Variants in SIPA1L3 observed in about 807,000 individuals in gnomAD.
SIPA1L3 encodes signal induced proliferation associated 1 like 3.
A neutral mutation model predicts 150.1 loss-of-function variants in SIPA1L3; 59 were observed. The ratio of observed to expected loss-of-function variants is 0.39; its 90% CI spans 0.32 to 0.49. The LOEUF (loss-of-function observed/expected upper bound fraction) is 0.49, where lower values mean the gene tolerates loss of function less well. SIPA1L3 is among the 20% of genes least tolerant of loss of function. The pLI is 0.86. For missense variants in SIPA1L3, 2,211 were observed against 2,489.5 expected, an observed-to-expected ratio of 0.89 and a Z score of 2.38; for synonymous variants, 1,070 against 1,077.6, an observed-to-expected ratio of 0.99 and a Z score of 0.14.
intron 1 of SIPA1L3, among the ~76,000 whole-genome samples, chr19:38,003,939 GA>G (rs1370791147): frequency 1.3e-5 from 2 of 148,738 alleles, no homozygotes; most frequent in African/African-American, 5.0e-5. Flanking sequence ...CCTTCTGACA[GA>G]AACTGGGTTA....
chr19:37,990,853 G>A (rs1394774978), intron 1 of SIPA1L3, among the ~76,000 whole-genome samples: 1 of 152,202 alleles, frequency 6.6e-6, no homozygotes, highest in African/African-American at 2.4e-5. Context: ...TGACTTAGTG[G>A]CATTGGTACT....
At chr19:37,914,020 G>A (rs56246446) in intron 1 of SIPA1L3, among the ~76,000 whole-genome samples, 35,939 of 98,768 alleles carry the variant, frequency 0.36, 5,674 homozygotes, top group South Asian at 0.48. Context: ...GTGAGAGGCC[G>A]TCTCAAAAAA....
At chr19:37,925,610 T>G (rs2145490118) in intron 1 of SIPA1L3, among the ~76,000 whole-genome samples, 1 of 148,890 alleles carries the variant, frequency 6.7e-6, no homozygotes, top group Admixed American at 6.7e-5. Context: ...TTTTTTTTTT[T>G]TTGAGACGGA....
chr19:38,136,187 A>AT (rs1204635811), intron 10 of SIPA1L3, among the ~76,000 whole-genome samples: 6 of 147,868 alleles, frequency 4.1e-5, no homozygotes, highest in African/African-American at 1.3e-4. Flanking sequence ...CTGTCTCAAA[A>AT]AAAAAAAAAA....
At chr19:37,976,268 G>A (rs577895314) in intron 1 of SIPA1L3, among the ~76,000 whole-genome samples, 2 of 152,222 alleles carry the variant, frequency 1.3e-5, no homozygotes, top group South Asian at 2.1e-4. Flanking sequence ...TCTTCGTCTT[G>A]TTGTACGTCT....
chr19:38,021,645 G>A (rs1968374798), intron 1 of SIPA1L3, among the ~76,000 whole-genome samples: 1 of 151,710 alleles, frequency 6.6e-6, no homozygotes, highest in African/African-American at 2.4e-5. Context: ...GGGCTCAAGT[G>A]ATCTTCCTGC....
rs1600070419 is a variant in SIPA1L3, at chr19:38,101,172, G to A, written c.1975G>A (p.Glu659Lys). The A allele has an allele frequency of 6.2e-6, 10 of 1,607,844 alleles. No individual in the cohort carries two copies. The highest frequency in any genetic ancestry group is 1.3e-5 in the African/African-American group (1 of 74,946). The change falls in exon 6 of 22, where the codon GAG becomes AAG. Residue 659 changes from glutamate (E) to lysine (K), a missense_variant. Coordinates refer to ENST00000222345, the MANE Select transcript of SIPA1L3 (RefSeq NM_015073.3). ...AFEEFLSLIG[E>K]KVCLKGFTKY... ...TGAGGAGTTCCTCTCCCTCATCGGC[G>A]AGAAGGTCTGCCTGAAGGGCTTCAC...
intron 1 of SIPA1L3, among the ~76,000 whole-genome samples, chr19:37,971,585 A>G (rs1055002102): frequency 1.3e-5 from 2 of 150,066 alleles, no homozygotes; most frequent in Non-Finnish European, 3.0e-5. Flanking sequence ...TTTTTTGCAG[A>G]GACAGAGTCT....
intron 1 of SIPA1L3, among the ~76,000 whole-genome samples, chr19:37,992,740 A>G (rs1405189704): frequency 3.3e-5 from 5 of 152,064 alleles, no homozygotes; most frequent in African/African-American, 1.2e-4. Flanking sequence ...AAGTGGTGAC[A>G]TGAGGCTCCA....
rs745870921 is a variant in SIPA1L3 at position 38,126,710 on chromosome 19, AT to A, written c.2869-3783del. Among the ~76,000 whole-genome samples, 83 of 151,700 alleles carry A rather than the reference AT, an allele frequency of 5.5e-4. 1 individual carries two copies. Among genetic ancestry groups the A allele is most frequent in the Non-Finnish European group, 3.7e-4 (25 of 67,916 alleles). ...CACCACCATGCCCAGCTAATTTTGT[AT>A]TTTTAGTAGAGACGGGGTTTCACCA... On this transcript the variant is annotated intron_variant, in intron 9 of 21. Transcript: ENST00000222345.
chr19:37,914,309 CT>C (rs1050659081), intron 1 of SIPA1L3, among the ~76,000 whole-genome samples: 26 of 151,778 alleles, frequency 1.7e-4, no homozygotes, highest in African/African-American at 5.1e-4. Context: ...AGTGAGTTTG[CT>C]ACAAAGAGTA....
chr19:38,000,899 T>C (rs1416555723), intron 1 of SIPA1L3, among the ~76,000 whole-genome samples: 1 of 103,236 alleles, frequency 9.7e-6, no homozygotes, highest in Admixed American at 1.1e-4. Flanking sequence ...ATATGTTATA[T>C]ATATATATAT....
At chr19:38,106,438 T>G (rs1286845868) in intron 6 of SIPA1L3, 99 bp from the exon 7 acceptor site, 1 of 815,710 alleles carries the variant, frequency 1.2e-6, no homozygotes, top group Admixed American at 1.7e-5. Context: ...TAGATTGAAG[T>G]GAAAGCACCA....
chr19:38,085,215 C>T (rs928742895), intron 3 of SIPA1L3, among the ~76,000 whole-genome samples: 3 of 151,958 alleles, frequency 2.0e-5, no homozygotes, highest in Non-Finnish European at 4.4e-5. Flanking sequence ...GGCACGGTGG[C>T]TCACGCTTGT....
intron 10 of SIPA1L3, among the ~76,000 whole-genome samples, chr19:38,135,120 A>G (rs964496245): frequency 3.9e-5 from 6 of 152,200 alleles, no homozygotes; most frequent in Non-Finnish European, 8.8e-5. Context: ...GCCTGTCTCC[A>G]TTATACTCTG....
At chr19:38,067,692 G>A in intron 2 of SIPA1L3, among the ~76,000 whole-genome samples, 1 of 151,820 alleles carries the variant, frequency 6.6e-6, no homozygotes, top group African/African-American at 2.4e-5. Context: ...AACCCCGGAG[G>A]TGGAGGTTGC....
At chr19:38,035,844 T>A (rs1968769547) in intron 2 of SIPA1L3, among the ~76,000 whole-genome samples, 1 of 152,162 alleles carries the variant, frequency 6.6e-6, no homozygotes, top group Non-Finnish European at 1.5e-5. Context: ...GTTAGGTGGC[T>A]TAGTAACAGC....
rs565086525 is a variant in SIPA1L3 at position 38,040,870 on chromosome 19, C to T, written c.-311+11714C>T. Reference sequence around the variant, plus strand: ...CCGCCTCCTGGGTTCACGCCATTCTCCTGTCTCAGCCTCCCAAGTAGCTGG... The same window carrying T: ...CCGCCTCCTGGGTTCACGCCATTCTTCTGTCTCAGCCTCCCAAGTAGCTGG... On this transcript the variant is annotated intron_variant, in intron 2 of 21. Coordinates refer to ENST00000222345, the MANE Select transcript of SIPA1L3 (RefSeq NM_015073.3). Among the ~76,000 whole-genome samples the T allele has an allele frequency of 2.2e-4, 34 of 152,274 alleles. No homozygotes were observed. The East Asian group carries it at 6.4e-3, about 29-fold the overall frequency.
At chr19:38,068,683 C>CA (rs530451408) in intron 2 of SIPA1L3, among the ~76,000 whole-genome samples, 270 of 151,316 alleles carry the variant, frequency 1.8e-3, no homozygotes, top group Non-Finnish European at 3.1e-3. Context: ...CTCATCTCTA[C>CA]AAAAAAAAAT....
Sources: gnomAD v4.1 joint callset for allele counts (sites outside exome capture counted in the v4.1 genomes callset) on GRCh38, gnomAD v4.1.1 for gene constraint, MANE v1.5 for transcripts, NCBI Gene and HGNC (gene_info 2026-07-23, HGNC 2026-07-21) for gene names.